ATXN7L1: variants seen among roughly 807,000 people sequenced by gnomAD.
ATXN7L1 encodes the protein ataxin 7 like 1.
In ATXN7L1, 15 loss-of-function variants were observed where a neutral mutation model predicts 70.8. That is an observed-to-expected ratio of 0.21 (90% confidence interval 0.14 to 0.33). The LOEUF is 0.33. Among genes scored for constraint, ATXN7L1 ranks in the 10% least tolerant of loss-of-function variants. ATXN7L1 has a pLI of 1.00. For synonymous variants in ATXN7L1, 440 were observed against 445.1 expected, an observed-to-expected ratio of 0.99 and a Z score of 0.14; for missense variants, 975 against 1,097.1, an observed-to-expected ratio of 0.89 and a Z score of 1.57.
At chr7:105,630,708 C>A (rs1011281476) in intron 7 of ATXN7L1, among the ~76,000 whole-genome samples, 1 of 133,176 alleles carries the variant, frequency 7.5e-6, no homozygotes, top group Non-Finnish European at 1.6e-5. Flanking sequence ...CAGAGTGAGA[C>A]CCTGTCTCAA....
chr7:105,804,792 A>G (rs143267967), intron 2 of ATXN7L1, among the ~76,000 whole-genome samples: 1 of 152,330 alleles, frequency 6.6e-6, no homozygotes, highest in African/African-American at 2.4e-5. Context: ...AGATAAGGAA[A>G]TAGAAGCTCA....
rs778733917 is a variant in ATXN7L1 at position 105,614,780 on chromosome 7, C to A, written c.1554G>T (p.Ser518=). The change falls in exon 10 of 12, where the codon TCG becomes TCT. Residue 518 remains serine (S), a synonymous_variant. Coordinates refer to ENST00000419735, the MANE Select transcript of ATXN7L1 (RefSeq NM_020725.2). The surrounding 1 kb of genome is among the most constrained non-coding windows in gnomAD (Gnocchi z 4.3). The stretch of plus-strand genomic sequence containing the variant: ...CGGGGGTGGTGATGTGGGCTGCTGG[C>A]GAGGGCAGGGGGCTATCTGCCGCAG... ...IPPAADSPLP[S]PAAHITTPVP... 6.4e-7 allele frequency: 1 copy of A among 1,551,270 alleles called. No homozygotes were observed. The highest frequency in any genetic ancestry group is 1.2e-5 in the South Asian group (1 of 83,996).
intron 9 of ATXN7L1, among the ~76,000 whole-genome samples, chr7:105,619,689 T>C (rs1323756044): frequency 6.6e-6 from 1 of 150,796 alleles, no homozygotes; most frequent in Non-Finnish European, 1.5e-5. Flanking sequence ...GTAGCTAGGA[T>C]CATAAGTGTG....
rs563471564 is a variant in ATXN7L1 at position 105,719,107 on chromosome 7, C to T, written c.356-53819G>A. Among the ~76,000 whole-genome samples, 17 of 152,284 alleles carry T rather than the reference C, an allele frequency of 1.1e-4. 1 individual carries two copies. Among genetic ancestry groups the T allele is most frequent in the African/African-American group, 3.1e-4 (13 of 41,544 alleles). On this transcript the variant is annotated intron_variant, in intron 3 of 11. Transcript: ENST00000419735. ...TATTAAAATGGAATGATTCTTCTGT[C>T]CTTTTGTGAGCAGGAGCCGAAGAAC...
At chr7:105,723,424 G>A (rs1411200604) in intron 3 of ATXN7L1, among the ~76,000 whole-genome samples, 1 of 152,098 alleles carries the variant, frequency 6.6e-6, no homozygotes, top group Non-Finnish European at 1.5e-5. Context: ...TCAACAGATA[G>A]CAGCTGTTAT....
intron 3 of ATXN7L1, among the ~76,000 whole-genome samples, chr7:105,730,123 G>A (rs574028750): frequency 2.2e-4 from 34 of 152,218 alleles, no homozygotes; most frequent in African/African-American, 6.3e-4. Context: ...AGAGGCTGTG[G>A]GAGAAGAGTA....
chr7:105,723,083 T>A (rs1322474363), intron 3 of ATXN7L1, among the ~76,000 whole-genome samples: 1 of 152,076 alleles, frequency 6.6e-6, no homozygotes, highest in Non-Finnish European at 1.5e-5. Flanking sequence ...TTAGGGAGTG[T>A]GGTTCTGGGT....
At chr7:105,733,533 T>TCCATCCATCCATCCAC (rs1796844382) in intron 3 of ATXN7L1, among the ~76,000 whole-genome samples, 95 of 104,102 alleles carry the variant, frequency 9.1e-4, no homozygotes, top group African/African-American at 2.2e-3. Flanking sequence ...CATCCATCCA[T>TCCATCCATCCATCCAC]CCATCCACCC....
chr7:105,698,637 C>T (rs1457487746), intron 3 of ATXN7L1, among the ~76,000 whole-genome samples: 3 of 152,176 alleles, frequency 2.0e-5, no homozygotes, highest in African/African-American at 4.8e-5. Context: ...AGATTAAAGG[C>T]GTGAGCCACC....
intron 2 of ATXN7L1, among the ~76,000 whole-genome samples, chr7:105,834,829 A>C (rs1002709): frequency 0.27 from 40,310 of 151,850 alleles, 5,641 homozygotes; most frequent in Middle Eastern, 0.34. Context: ...TCTTTACAGG[A>C]AATTTGAGGC....
In ATXN7L1 at chr7:105,614,178, C is replaced by T. The variant is rs1430880023; in HGVS notation, c.2156G>A (p.Arg719Gln). 15 of 1,551,590 alleles carry T rather than the reference C, an allele frequency of 9.7e-6. No individual in the cohort carries two copies. The highest frequency in any genetic ancestry group is 4.8e-5 in the South Asian group (4 of 84,070). The change falls in exon 10 of 12, where the codon CGG becomes CAG. Residue 719 changes from arginine to glutamine, a missense_variant. Around this residue, in one of 5 missense-constraint regions of ATXN7L1, gnomAD observed 635 missense variants for 699.4 expected, o/e 0.91. Coordinates refer to ENST00000419735, the MANE Select transcript of ATXN7L1 (RefSeq NM_020725.2). The surrounding 1 kb of genome is among the most constrained non-coding windows in gnomAD (Gnocchi z 4.3). Reference protein sequence around the residue: ...PLSAKLEPSGRTSLPGGPADI... With the variant: ...PLSAKLEPSGQTSLPGGPADI... ...CGCGGGGCCGCCGGGCAGCGAGGTC[C>T]GTCCTGAGGGCTCCAGTTTGGCACT...
intron 2 of ATXN7L1, among the ~76,000 whole-genome samples, chr7:105,822,851 A>C (rs1230220119): frequency 6.6e-6 from 1 of 152,170 alleles, no homozygotes; most frequent in Non-Finnish European, 1.5e-5. Context: ...AAACATATTA[A>C]AACTTCTAAT....
chr7:105,644,373 C>T (rs1205352043), intron 4 of ATXN7L1, among the ~76,000 whole-genome samples: 4 of 152,180 alleles, frequency 2.6e-5, no homozygotes, highest in South Asian at 2.1e-4. Flanking sequence ...CACAGAGCAG[C>T]GGAACAGATT....
rs144785802 is a variant in ATXN7L1 at position 105,657,530 on chromosome 7, T to A, written c.578+7536A>T. On this transcript the variant is annotated intron_variant, in intron 4 of 11. Coordinates refer to ENST00000419735, the MANE Select transcript of ATXN7L1 (RefSeq NM_020725.2). Reference sequence around the variant, plus strand: ...GAATTCGAGATGGTGAAACTCTAACTCTACAAAAACACAAAAATTAGCCAG... The same window carrying A: ...GAATTCGAGATGGTGAAACTCTAACACTACAAAAACACAAAAATTAGCCAG... Among the ~76,000 whole-genome samples the A allele has an allele frequency of 1.2e-4, 18 of 151,220 alleles. 1 individual carries two copies. The East Asian group carries it at 3.5e-3, about 29-fold the overall frequency.
At chr7:105,834,664 T>C (rs1429334020) in intron 2 of ATXN7L1, among the ~76,000 whole-genome samples, 2 of 152,204 alleles carry the variant, frequency 1.3e-5, no homozygotes, top group African/African-American at 2.4e-5. Context: ...TGTAAGTTTC[T>C]TGAGAGAGAG....
chr7:105,769,504 G>A (rs1801702414), intron 3 of ATXN7L1, among the ~76,000 whole-genome samples: 1 of 152,180 alleles, frequency 6.6e-6, no homozygotes, highest in Non-Finnish European at 1.5e-5. Context: ...GCCAGCCTAA[G>A]TATTTTAGTC....
chr7:105,759,484 G>GTGGGTGTT (rs1800268722), intron 3 of ATXN7L1, among the ~76,000 whole-genome samples: 1 of 135,626 alleles, frequency 7.4e-6, no homozygotes, highest in Non-Finnish European at 1.6e-5. Context: ...GTGTGTGTGT[G>GTGGGTGTT]TGTGTGTATG....
chr7:105,790,073 C>T (rs1269351323), intron 2 of ATXN7L1, among the ~76,000 whole-genome samples: 3 of 152,060 alleles, frequency 2.0e-5, no homozygotes, highest in African/African-American at 7.2e-5. Flanking sequence ...ATTGAATGAC[C>T]CCATTTATAT....
Position 105,613,933 on chromosome 7 carries a change from C to A in ATXN7L1, c.2401G>T (p.Val801Phe). 1 of 1,552,210 alleles carries A rather than the reference C, an allele frequency of 6.4e-7. No individual in the cohort carries two copies. The highest frequency in any genetic ancestry group is 8.7e-7 in the Non-Finnish European group (1 of 1,147,076). ...KITKMPGMNS[V>F]HKKNPPSLLA... ...AGGCTGGGCGGGTTCTTTTTGTGAACGCTATTCATACCAGGCATTTTAGTG... is the reference window on the plus strand; with the variant it reads ...AGGCTGGGCGGGTTCTTTTTGTGAAAGCTATTCATACCAGGCATTTTAGTG... The change falls in exon 10 of 12, where the codon GTT becomes TTT. Residue 801 changes from valine to phenylalanine, a missense_variant. By Grantham distance (50) the Val-to-Phe change is conservative (BLOSUM62 -1). Transcript: ENST00000419735.
Sources: gnomAD v4.1 joint callset for allele counts (sites outside exome capture counted in the v4.1 genomes callset) on GRCh38, gnomAD v4.1.1 for gene constraint, gnomAD v4.1.1 regional missense constraint, Gnocchi (gnomAD v3.1) non-coding constraint, MANE v1.5 for transcripts, NCBI Gene and HGNC (gene_info 2026-07-23, HGNC 2026-07-21) for gene names.